The following NID1 variants were observed in gnomAD, a reference collection of about 807,000 sequenced individuals.
The protein encoded by NID1 is nidogen 1, also known as nidogen-1.
In NID1, 76 loss-of-function variants were observed where a neutral mutation model predicts 130.6. That is an observed-to-expected ratio of 0.58 (90% CI 0.48 to 0.70). The LOEUF is 0.70. Among genes scored for constraint, NID1 ranks in the 30% least tolerant of loss-of-function variants. The probability of loss-of-function intolerance (pLI) is 0.00; values close to 1 mark genes in which losing one functional copy is unlikely to be tolerated. For synonymous variants in NID1, 665 were observed against 675.1 expected, an observed-to-expected ratio of 0.98 and a Z score of 0.23; for missense variants, 1,517 against 1,664.8, an observed-to-expected ratio of 0.91 and a Z score of 1.54.
chr1:235,977,745 G>A lies in NID1; in HGVS notation c.*122C>T. ...GTGAGGGAAAAGTTGTTGGGGCTCA[G>A]GCTGGGCTGGGTCTGGGCCTAGTGG... On this transcript the variant is annotated 3_prime_UTR_variant, in exon 20 of 20. Coordinates refer to ENST00000264187, the MANE Select transcript of NID1 (RefSeq NM_002508.3). 8.8e-7 allele frequency: 1 copy of A among 1,137,762 alleles called. No homozygotes were observed. The highest frequency in any genetic ancestry group is 1.3e-6 in the Non-Finnish European group (1 of 788,054). The allele number at this position is 1,137,762 out of a possible 1,614,324, so 70.5% of individuals were successfully genotyped here. A position where few individuals can be genotyped will look rare whatever the true frequency, so the allele number is the denominator to read the frequency against.
intron 12 of NID1, among the ~76,000 whole-genome samples, chr1:236,004,427 T>C (rs1406807808): frequency 6.6e-6 from 1 of 152,136 alleles, no homozygotes; most frequent in Non-Finnish European, 1.5e-5. Flanking sequence ...TGCAGGCCAA[T>C]GTAAAAACAG....
chr1:235,990,198 G>T (rs999438321), intron 14 of NID1, among the ~76,000 whole-genome samples: 8 of 152,196 alleles, frequency 5.3e-5, no homozygotes, highest in African/African-American at 1.4e-4. Context: ...AATAGAAAAA[G>T]AAGAAAACAC....
rs766530191 is a variant in NID1 at position 235,980,541 on chromosome 1, G to T, written c.3340C>A (p.Leu1114Met). 1.2e-6 allele frequency: 2 copies of T among 1,614,216 alleles called. No individual in the cohort carries two copies. Among genetic ancestry groups the T allele is most frequent in the South Asian group, 1.1e-5 (1 of 91,088 alleles). Residue 1114 changes from leucine (L) to methionine (M), a missense_variant, in exon 17 of 20, where the codon CTG becomes ATG. Physicochemically the swap from Leu to Met is conservative, Grantham distance 15. This residue lies in a region of NID1 where 181 missense variants were observed against 211.3 expected (regional missense o/e 0.86). Coordinates refer to ENST00000264187, the MANE Select transcript of NID1 (RefSeq NM_002508.3). ...TGAGATGAGAACGCATCGAAGGTCA[G>T]TCCATTGGGCAAGCCCAGGTCATCC... The part of the protein sequence containing the change: ...VQDDLGLPNG[L>M]TFDAFSSQLC...
intron 9 of NID1, among the ~76,000 whole-genome samples, chr1:236,023,603 G>T (rs950985294): frequency 2.6e-5 from 4 of 151,672 alleles, no homozygotes; most frequent in African/African-American, 7.3e-5. Context: ...TGTTAAAATG[G>T]TATATTTTAT....
intron 14 of NID1, among the ~76,000 whole-genome samples, chr1:235,986,456 A>G (rs1657576641): frequency 6.6e-6 from 1 of 152,048 alleles, no homozygotes; most frequent in Admixed American, 6.5e-5. Context: ...CAGAAAATAT[A>G]TAAGGATAAA....
intron 12 of NID1, among the ~76,000 whole-genome samples, chr1:236,001,600 C>T (rs1658078323): frequency 6.6e-6 from 1 of 152,204 alleles, no homozygotes; most frequent in Admixed American, 6.5e-5. Context: ...GTGATAGCAA[C>T]AGCAATAACG....
chr1:235,993,881 G>C lies in NID1; in HGVS notation c.2528-9C>G. ...CCGGGTTTTCTCCACCTCTATCAGA[G>C]AAACAGGCAACAAGAAAGCTGTCAG... is the stretch of plus-strand genomic sequence containing the variant. On this transcript the variant is annotated splice_polypyrimidine_tract_variant and intron_variant, in intron 12 of 19. Coordinates refer to ENST00000264187, the MANE Select transcript of NID1 (RefSeq NM_002508.3). The C allele has an allele frequency of 1.9e-6, 3 of 1,602,398 alleles. No individual in the cohort carries two copies. Among genetic ancestry groups the C allele is most frequent in the Non-Finnish European group, 2.6e-6 (3 of 1,170,524 alleles).
chr1:235,984,841 G>T lies in NID1; in HGVS notation c.3055+538C>A, dbSNP rs563688525. Among the ~76,000 whole-genome samples the T allele has an allele frequency of 1.1e-4, 16 of 152,268 alleles. No homozygotes were observed. The East Asian group carries it at 3.1e-3, about 29-fold the overall frequency. ...AAGCACAGAGTCATTGGTTGAAATT[G>T]GCATCCTTAATGAGGAATTTCCTCA... On this transcript the variant is annotated intron_variant, in intron 15 of 19. Transcript: ENST00000264187.
intron 5 of NID1, among the ~76,000 whole-genome samples, chr1:236,036,666 G>A (rs368737631): frequency 1.3e-5 from 2 of 152,200 alleles, no homozygotes; most frequent in African/African-American, 4.8e-5. Flanking sequence ...TGGGTCATGA[G>A]GGCTCTGCCC....
chr1:236,031,508 G>A (rs568427798), intron 6 of NID1, among the ~76,000 whole-genome samples: 110 of 152,330 alleles, frequency 7.2e-4, no homozygotes, highest in African/African-American at 2.4e-3. Context: ...GGTTACCAGC[G>A]TGCAGCCTGG....
intron 11 of NID1, 45 bp from the exon 12 acceptor site, chr1:236,012,088 G>T: frequency 6.3e-7 from 1 of 1,591,798 alleles, no homozygotes. Flanking sequence ...ATTTCTTCTG[G>T]AATTCGTAGT....
rs140817232 is a variant in NID1, at chr1:236,060,734, G to C, written c.225+4121C>G. 1.5e-3 allele frequency: 223 copies of C among 148,108 alleles called. 2 individuals carry two copies. The highest frequency in any genetic ancestry group is 5.0e-3 in the African/African-American group (203 of 40,308). The allele number at this position is 148,108 out of a possible 1,614,324, so 9.2% of individuals were successfully genotyped here. A position where few individuals can be genotyped will look rare whatever the true frequency, so the allele number is the denominator to read the frequency against. ...TATTAGCATTAGTATCACTAAAGTT[G>C]ATATACAAACCCCCCAGGCTAAATT... On this transcript the variant is annotated intron_variant, in intron 1 of 19. Transcript: ENST00000264187.
Position 235,977,835 on chromosome 1 carries a change from A to T in NID1, c.*32T>A. ...GCTTCAAGTAGAGTGTTGCTGTGAA[A>T]TACTTGGAAAGGAAATAAGGCACTC... On this transcript the variant is annotated 3_prime_UTR_variant, in exon 20 of 20. Coordinates refer to ENST00000264187, the MANE Select transcript of NID1 (RefSeq NM_002508.3). 6.2e-7 allele frequency: 1 copy of T among 1,611,188 alleles called. No homozygotes were observed. The highest frequency in any genetic ancestry group is 8.5e-7 in the Non-Finnish European group (1 of 1,178,290).
chr1:236,017,400 T>TTTC, intron 9 of NID1, 127 bp from the exon 10 acceptor site: 3 of 1,031,102 alleles, frequency 2.9e-6, no homozygotes, highest in Non-Finnish European at 2.7e-6. Flanking sequence ...TTTTTTTTTT[T>TTTC]CCGAGATGGA....
At chr1:236,046,785 C>T (rs567435439) in intron 2 of NID1, among the ~76,000 whole-genome samples, 1 of 152,298 alleles carries the variant, frequency 6.6e-6, no homozygotes, top group Admixed American at 6.5e-5. Context: ...AACATTTAAG[C>T]TGTTTTCAAG....
chr1:235,992,647 G>A (rs988547518), intron 13 of NID1, among the ~76,000 whole-genome samples: 12 of 152,178 alleles, frequency 7.9e-5, no homozygotes, highest in East Asian at 1.9e-4. Flanking sequence ...TCTATTCACC[G>A]TCCTTTCCGC....
chr1:236,053,164 A>G (rs950110456), intron 1 of NID1, among the ~76,000 whole-genome samples: 6 of 152,154 alleles, frequency 3.9e-5, no homozygotes, highest in Non-Finnish European at 8.8e-5. Context: ...GGTAAATAAT[A>G]TCTTGGTTGT....
At chr1:236,053,454 C>G (rs1286930399) in intron 1 of NID1, among the ~76,000 whole-genome samples, 1 of 152,158 alleles carries the variant, frequency 6.6e-6, no homozygotes, top group African/African-American at 2.4e-5. Flanking sequence ...AGCACGCCCC[C>G]GCCCAACCCC....
chr1:235,980,742 A>G (rs1004533406), intron 16 of NID1, 89 bp from the exon 17 acceptor site: 1 of 1,345,808 alleles, frequency 7.4e-7, no homozygotes, highest in Non-Finnish European at 1.0e-6. Context: ...AAGAATTACA[A>G]TGAAGTGATT....
Sources: gnomAD v4.1 joint callset for allele counts (sites outside exome capture counted in the v4.1 genomes callset) on GRCh38, gnomAD v4.1.1 for gene constraint, gnomAD v4.1.1 regional missense constraint, MANE v1.5 for transcripts, NCBI Gene and HGNC (gene_info 2026-07-23, HGNC 2026-07-21) for gene names.